FARS2: variants seen among roughly 807,000 people sequenced by gnomAD.
The protein encoded by FARS2 is phenylalanyl-tRNA synthetase 2, mitochondrial.
A neutral mutation model predicts 46.4 loss-of-function variants in FARS2; 40 were observed. The ratio of observed to expected loss-of-function variants is 0.86; its 90% CI spans 0.67 to 1.12. The LOEUF (loss-of-function observed/expected upper bound fraction) is 1.12. Ranked by LOEUF, FARS2 falls within the 50% of genes most tolerant of loss-of-function variation. The probability of loss-of-function intolerance (pLI) is 0.00; values close to 1 mark genes in which losing one functional copy is unlikely to be tolerated. For synonymous variants in FARS2, 234 were observed against 214.9 expected, an observed-to-expected ratio of 1.09 and a Z score of -0.78; for missense variants, 513 against 567.9, an observed-to-expected ratio of 0.90 and a Z score of 0.98.
chr6:5,258,084 T>C (rs954280637), upstream of FARS2, among the ~76,000 whole-genome samples: 2 of 152,120 alleles, frequency 1.3e-5, no homozygotes, highest in African/African-American at 2.4e-5. Flanking sequence ...ACAGTACTTG[T>C]AAAGGCCTGG....
intron 1 of FARS2, among the ~76,000 whole-genome samples, chr6:5,274,683 T>G (rs994759153): frequency 6.6e-6 from 1 of 152,152 alleles, no homozygotes; most frequent in African/African-American, 2.4e-5. Context: ...CAGCCACGAT[T>G]ATTTAGTCTT....
chr6:5,401,070 A>G (rs1047724732), intron 2 of FARS2, among the ~76,000 whole-genome samples: 3 of 151,884 alleles, frequency 2.0e-5, no homozygotes, highest in African/African-American at 2.4e-5. Flanking sequence ...TATCTTTTGT[A>G]TAGTTGAGTC....
At chr6:5,740,624 C>T (rs1043009963) in intron 6 of FARS2, among the ~76,000 whole-genome samples, 1 of 152,112 alleles carries the variant, frequency 6.6e-6, no homozygotes, top group Non-Finnish European at 1.5e-5. Flanking sequence ...CTATGTTTTC[C>T]GATTGCTCAC....
chr6:5,609,540 C>T, intron 5 of FARS2: 3 of 1,276,326 alleles, frequency 2.4e-6, no homozygotes, highest in Admixed American at 1.7e-5. Flanking sequence ...TCCTCCATGA[C>T]CAAAGTTGTC....
At chr6:5,504,785 A>T (rs1768010188) in intron 4 of FARS2, among the ~76,000 whole-genome samples, 1 of 152,236 alleles carries the variant, frequency 6.6e-6, no homozygotes, top group South Asian at 2.1e-4. Flanking sequence ...GAATGTAAAG[A>T]ATATAAAGTT....
intron 1 of FARS2, among the ~76,000 whole-genome samples, chr6:5,329,317 A>G (rs558804251): frequency 4.6e-5 from 7 of 152,360 alleles, no homozygotes; most frequent in East Asian, 1.9e-4. Context: ...ATGGTTCACA[A>G]TTGTGAATGG....
In FARS2 at chr6:5,727,088, G is replaced by T. The variant is rs531408589; in HGVS notation, c.1218-44203G>T. Among the ~76,000 whole-genome samples the T allele has an allele frequency of 5.3e-5, 8 of 152,336 alleles. No individual in the cohort carries two copies. The South Asian group carries it at 1.4e-3, about 28-fold the overall frequency. ...TCTGTAAAGGAGCAATGCCTCTGCA[G>T]TACCTACCTTCCTCACCGGGCTGTT... On this transcript the variant is annotated intron_variant, in intron 6 of 6. Transcript: ENST00000274680. This position sits in a 1 kb window ranked among gnomAD's most constrained non-coding sequence, Gnocchi z 4.1.
At chr6:5,738,621 A>T in intron 6 of FARS2, among the ~76,000 whole-genome samples, 1 of 152,340 alleles carries the variant, frequency 6.6e-6, no homozygotes, top group African/African-American at 2.4e-5. Flanking sequence ...TAAAAGCTTA[A>T]AGTAGTTTTT....
chr6:5,359,428 A>G (rs1758163359), intron 1 of FARS2, among the ~76,000 whole-genome samples: 1 of 152,178 alleles, frequency 6.6e-6, no homozygotes, highest in Non-Finnish European at 1.5e-5. Flanking sequence ...TTTTCCCCCC[A>G]TTAGACTTAT....
chr6:5,520,086 C>G (rs1769037904), intron 4 of FARS2, among the ~76,000 whole-genome samples: 1 of 152,142 alleles, frequency 6.6e-6, no homozygotes, highest in Non-Finnish European at 1.5e-5. Flanking sequence ...CAATAGTACC[C>G]TCTCTTGGCC....
At chr6:5,328,110 AT>A (rs879740839) in intron 1 of FARS2, among the ~76,000 whole-genome samples, 1 of 152,154 alleles carries the variant, frequency 6.6e-6, no homozygotes, top group Non-Finnish European at 1.5e-5. Context: ...ATCTTAATAG[AT>A]TTTTGATAAC....
At chr6:5,658,256 C>CA (rs3057209) in intron 6 of FARS2, among the ~76,000 whole-genome samples, 220 of 135,454 alleles carry the variant, frequency 1.6e-3, no homozygotes, top group African/African-American at 2.8e-3. Flanking sequence ...AACTCTGTCT[C>CA]AAAAAAAAAA....
At chr6:5,672,775 T>G (rs1778544176) in intron 6 of FARS2, among the ~76,000 whole-genome samples, 1 of 152,172 alleles carries the variant, frequency 6.6e-6, no homozygotes, top group African/African-American at 2.4e-5. Flanking sequence ...CAGTGATTCA[T>G]GATGAAGCTA....
At chr6:5,555,114 TAGTG>T (rs1365889021) in intron 5 of FARS2, among the ~76,000 whole-genome samples, 6 of 152,278 alleles carry the variant, frequency 3.9e-5, no homozygotes, top group South Asian at 2.1e-4. Context: ...GTTCTCGTGA[TAGTG>T]AGTAAGTCTC....
At chr6:5,405,480 C>CTTTTTTTCT (rs765851968) in intron 3 of FARS2, among the ~76,000 whole-genome samples, 10 of 58,946 alleles carry the variant, frequency 1.7e-4, no homozygotes, top group Non-Finnish European at 2.8e-4. Context: ...GAGCAAGGTT[C>CTTTTTTTCT]TTTTTTTTTT....
intron 1 of FARS2, among the ~76,000 whole-genome samples, chr6:5,284,032 CCT>C (rs1181285165): frequency 6.6e-6 from 1 of 152,166 alleles, no homozygotes; most frequent in Non-Finnish European, 1.5e-5. Flanking sequence ...ACCAGCAATG[CCT>C]CTTTCTTAGA....
rs907307399 is a variant in FARS2 at position 5,433,558 on chromosome 6, G to A, written c.904+2386G>A. Among the ~76,000 whole-genome samples the A allele has an allele frequency of 2.6e-5, 4 of 152,194 alleles. 1 individual carries two copies. The highest frequency in any genetic ancestry group is 2.0e-4 in the Admixed American group (3 of 15,276). On this transcript the variant is annotated intron_variant, in intron 4 of 6. Coordinates refer to ENST00000274680, the MANE Select transcript of FARS2 (RefSeq NM_006567.5). ...ATTTTACAGGGAAAAAGAAAAGTAA[G>A]AGTAATAAACAGGAAGAAAAGGAAA...
At chr6:5,489,189 C>T (rs1766953674) in intron 4 of FARS2, among the ~76,000 whole-genome samples, 1 of 152,200 alleles carries the variant, frequency 6.6e-6, no homozygotes, top group South Asian at 2.1e-4. Flanking sequence ...TGCGGTGGCT[C>T]ACACCTATAA....
At chr6:5,562,638 T>C (rs940079573) in intron 5 of FARS2, among the ~76,000 whole-genome samples, 12 of 151,716 alleles carry the variant, frequency 7.9e-5, no homozygotes, top group Admixed American at 6.6e-4. Context: ...GTATATTTTA[T>C]GTAAGTCAGT....
Sources: gnomAD v4.1 joint callset for allele counts (sites outside exome capture counted in the v4.1 genomes callset) on GRCh38, gnomAD v4.1.1 for gene constraint, Gnocchi (gnomAD v3.1) non-coding constraint, MANE v1.5 for transcripts, NCBI Gene and HGNC (gene_info 2026-07-23, HGNC 2026-07-21) for gene names.